GRM7: variants seen among roughly 807,000 people sequenced by gnomAD.
GRM7 encodes the protein glutamate metabotropic receptor 7, also known as metabotropic glutamate receptor 7.
GRM7 carries 35 observed loss-of-function variants against 84.5 expected under a neutral mutation model. The ratio of observed to expected loss-of-function variants is 0.41; its 90% confidence interval spans 0.32 to 0.55. The LOEUF (loss-of-function observed/expected upper bound fraction) is 0.55. Ranked by LOEUF, GRM7 falls within the 20% of genes least tolerant of loss-of-function variation. The probability of loss-of-function intolerance (pLI) is 0.19; values close to 1 mark genes in which losing one functional copy is unlikely to be tolerated. For missense variants in GRM7, 1,003 were observed against 1,194.6 expected (o/e 0.84, Z 2.36); for synonymous variants, 487 against 455.1 (o/e 1.07, Z -0.89).
At chr3:7,028,148 C>T (rs1696048207) in intron 1 of GRM7, among the ~76,000 whole-genome samples, 2 of 152,172 alleles carry the variant, frequency 1.3e-5, no homozygotes, top group African/African-American at 4.8e-5. Flanking sequence ...CAGTGCTTAG[C>T]CTGGTGCAGA....
At chr3:6,925,912 A>C (rs1467615637) in intron 1 of GRM7, among the ~76,000 whole-genome samples, 4 of 152,128 alleles carry the variant, frequency 2.6e-5, no homozygotes, top group Non-Finnish European at 4.4e-5. Flanking sequence ...TTTTTCCTAT[A>C]AATCATGTGA....
rs114486847 is a variant in GRM7 at position 7,192,882 on chromosome 3, G to T, written c.736+46214G>T. Among the ~76,000 whole-genome samples, 675 of 152,152 alleles carry T rather than the reference G, an allele frequency of 4.4e-3. 3 individuals carry two copies. The highest frequency in any genetic ancestry group is 0.015 in the African/African-American group (631 of 41,516). On this transcript the variant is annotated intron_variant, in intron 2 of 9. Coordinates refer to ENST00000357716, the MANE Select transcript of GRM7 (RefSeq NM_000844.4). Reference sequence around the variant, plus strand: ...AACCCTGCAATGAGATGTCACTGGTGAATCCTGCCAATAACCTCTTGGGTA... The same window carrying T: ...AACCCTGCAATGAGATGTCACTGGTTAATCCTGCCAATAACCTCTTGGGTA...
At chr3:7,684,447 C>G (rs1700500837) in intron 9 of GRM7, among the ~76,000 whole-genome samples, 1 of 152,168 alleles carries the variant, frequency 6.6e-6, no homozygotes, top group Non-Finnish European at 1.5e-5. Flanking sequence ...AACACTTAGT[C>G]TCAATGTATT....
chr3:6,868,196 G>A (rs17046208), intron 1 of GRM7, among the ~76,000 whole-genome samples: 10,632 of 152,174 alleles, frequency 0.07, 474 homozygotes, highest in East Asian at 0.18. Flanking sequence ...ATAGCCCAAA[G>A]TCACATAGCT....
chr3:7,048,614 T>A (rs952832079), intron 1 of GRM7, among the ~76,000 whole-genome samples: 1 of 151,980 alleles, frequency 6.6e-6, no homozygotes, highest in South Asian at 2.1e-4. Context: ...TTGACAAGAA[T>A]TATTTATATT....
At chr3:7,192,438 C>G (rs781287182) in intron 2 of GRM7, among the ~76,000 whole-genome samples, 1 of 152,136 alleles carries the variant, frequency 6.6e-6, no homozygotes, top group Non-Finnish European at 1.5e-5. Context: ...TTCTACTGCA[C>G]TCCCCCAGAA....
At chr3:7,241,487 C>G (rs1411497558) in intron 2 of GRM7, among the ~76,000 whole-genome samples, 1 of 151,984 alleles carries the variant, frequency 6.6e-6, no homozygotes, top group Non-Finnish European at 1.5e-5. Context: ...ATAATTAAGA[C>G]CATCTCATCA....
At chr3:7,424,163 T>A (rs763956855) in intron 5 of GRM7, among the ~76,000 whole-genome samples, 4 of 152,122 alleles carry the variant, frequency 2.6e-5, no homozygotes, top group Non-Finnish European at 4.4e-5. Flanking sequence ...CCCTACTATA[T>A]GGGCTCATTC....
Position 7,153,924 on chromosome 3 carries a change from T to A in GRM7, c.736+7256T>A, listed in dbSNP as rs115081210. On this transcript the variant is annotated intron_variant, in intron 2 of 9. Transcript: ENST00000357716. ...AGGAAAGATTCTGAAAGAAGGTAGA[T>A]CTTAACTAAATCCCAAAGGTAAGTA... is the stretch of plus-strand genomic sequence containing the variant. 2.8e-3 allele frequency among the ~76,000 whole-genome samples: 431 copies of A among 152,224 alleles called. 5 individuals are homozygous for A. Among genetic ancestry groups the A allele is most frequent in the African/African-American group, 9.7e-3 (405 of 41,562 alleles).
At chr3:7,468,194 G>C (rs1698540197) in intron 7 of GRM7, among the ~76,000 whole-genome samples, 1 of 152,162 alleles carries the variant, frequency 6.6e-6, no homozygotes, top group Non-Finnish European at 1.5e-5. Context: ...GTATGTAATA[G>C]CAGCAATCAA....
At chr3:7,192,433 C>T (rs1695739634) in intron 2 of GRM7, among the ~76,000 whole-genome samples, 1 of 152,164 alleles carries the variant, frequency 6.6e-6, no homozygotes, top group African/African-American at 2.4e-5. Context: ...AAATTTTCTA[C>T]TGCACTCCCC....
intron 2 of GRM7, among the ~76,000 whole-genome samples, chr3:7,267,357 A>G (rs1263873211): frequency 6.6e-6 from 1 of 152,248 alleles, no homozygotes; most frequent in Non-Finnish European, 1.5e-5. Context: ...TAGTGAAATC[A>G]CATAGTTGTT....
At chr3:7,087,824 T>C (rs1467582488) in intron 1 of GRM7, among the ~76,000 whole-genome samples, 3 of 152,200 alleles carry the variant, frequency 2.0e-5, no homozygotes, top group African/African-American at 7.2e-5. Flanking sequence ...GTAGTGAGAA[T>C]TAAGTCATTA....
chr3:6,923,629 C>T (rs549870771), intron 1 of GRM7, among the ~76,000 whole-genome samples: 1 of 152,080 alleles, frequency 6.6e-6, no homozygotes, highest in Non-Finnish European at 1.5e-5. Flanking sequence ...TTTCCCCCTG[C>T]ACTGGGACTG....
intron 8 of GRM7, 145 bp downstream of exon 8, chr3:7,579,502 T>G (rs1695140267): frequency 1.0e-5 from 6 of 579,262 alleles, no homozygotes; most frequent in Admixed American, 3.3e-5. Flanking sequence ...CAAGGTCTAG[T>G]AGGCTTCAAT....
At chr3:6,954,281 A>G (rs933541840) in intron 1 of GRM7, among the ~76,000 whole-genome samples, 1 of 152,168 alleles carries the variant, frequency 6.6e-6, no homozygotes, top group Non-Finnish European at 1.5e-5. Context: ...CTTGTTGTTA[A>G]CTATAGTCAC....
At chr3:7,101,394 A>G (rs1295799869) in intron 1 of GRM7, among the ~76,000 whole-genome samples, 1 of 151,702 alleles carries the variant, frequency 6.6e-6, no homozygotes, top group Non-Finnish European at 1.5e-5. Flanking sequence ...ATTGTCGTAT[A>G]TCAATATATT....
intron 1 of GRM7, among the ~76,000 whole-genome samples, chr3:7,109,665 G>T (rs151083130): frequency 0.012 from 1,889 of 152,102 alleles, 17 homozygotes; most frequent in Non-Finnish European, 0.02. Context: ...CATTTCGTCC[G>T]CTATAGTGAG....
At chr3:7,349,124 C>T (rs1340002248) in intron 4 of GRM7, among the ~76,000 whole-genome samples, 2 of 152,106 alleles carry the variant, frequency 1.3e-5, no homozygotes, top group Non-Finnish European at 2.9e-5. Flanking sequence ...CTTTAGCATG[C>T]AGTCTGACAG....
Sources: allele counts gnomAD v4.1 joint callset (sites outside exome capture counted in the v4.1 genomes callset), GRCh38; gene constraint gnomAD v4.1.1; transcripts MANE v1.5; gene names NCBI Gene and HGNC (gene_info 2026-07-23, HGNC 2026-07-21).